Variants in ZFHX3 observed in about 807,000 individuals in gnomAD.
ZFHX3 encodes zinc finger homeobox 3, also known as zinc finger homeobox protein 3.
In ZFHX3, 42 loss-of-function variants were observed where a neutral mutation model predicts 279.1. The ratio of observed to expected loss-of-function variants is 0.15; its 90% CI spans 0.12 to 0.19. The LOEUF is 0.19. Ranked by LOEUF, ZFHX3 falls within the 10% of genes least tolerant of loss-of-function variation. The probability of loss-of-function intolerance (pLI) is 1.00; values close to 1 mark genes in which losing one functional copy is unlikely to be tolerated. For missense variants in ZFHX3, 4,981 were observed against 4,754.0 expected, an observed-to-expected ratio of 1.05 and a Z score of -1.40; for synonymous variants, 2,293 against 1,957.8, an observed-to-expected ratio of 1.17 and a Z score of -4.52.
At chr16:72,850,602 A>G (rs948595279) in intron 4 of ZFHX3, among the ~76,000 whole-genome samples, 1 of 152,114 alleles carries the variant, frequency 6.6e-6, no homozygotes, top group Non-Finnish European at 1.5e-5. Flanking sequence ...GAGCTGGACT[A>G]CTGATGACCA....
chr16:73,668,009 C>G (rs1473190898), intron 2 of ZFHX3, among the ~76,000 whole-genome samples: 1 of 152,186 alleles, frequency 6.6e-6, no homozygotes, highest in Admixed American at 6.5e-5. Flanking sequence ...TATGCAATGG[C>G]TTGTGTTCTA....
intron 1 of ZFHX3, among the ~76,000 whole-genome samples, chr16:73,843,704 G>A (rs1246034463): frequency 6.6e-6 from 1 of 152,170 alleles, no homozygotes; most frequent in Non-Finnish European, 1.5e-5. Context: ...TAATCAGTGG[G>A]TTTACTTAGA....
chr16:73,707,122 T>G (rs2053312471), intron 1 of ZFHX3, among the ~76,000 whole-genome samples: 1 of 152,224 alleles, frequency 6.6e-6, no homozygotes, highest in Non-Finnish European at 1.5e-5. Flanking sequence ...TTAATTCAAC[T>G]TATTTGAAGT....
intron 3 of ZFHX3, among the ~76,000 whole-genome samples, chr16:73,325,230 C>T (rs2015658238): frequency 6.6e-6 from 1 of 152,100 alleles, no homozygotes; most frequent in South Asian, 2.1e-4. Flanking sequence ...GGTCAGTTCC[C>T]TCAAAATAAT....
At chr16:73,552,949 C>T (rs2020223214) in intron 2 of ZFHX3, among the ~76,000 whole-genome samples, 2 of 152,160 alleles carry the variant, frequency 1.3e-5, no homozygotes, top group Non-Finnish European at 2.9e-5. Flanking sequence ...GATTTTCATT[C>T]ACATCCACAG....
At chr16:72,798,805 A>T in intron 8 of ZFHX3, 91 bp from the exon 9 acceptor site, 1 of 1,465,216 alleles carries the variant, frequency 6.8e-7, no homozygotes, top group Non-Finnish European at 8.9e-7. Flanking sequence ...GTCAGGCCTC[A>T]TGAACACAGA....
chr16:72,829,606 G>GT (rs1256787964), intron 5 of ZFHX3, 173 bp downstream of exon 5: 3 of 640,002 alleles, frequency 4.7e-6, no homozygotes, highest in African/African-American at 3.7e-5. Flanking sequence ...AAGAATAAAG[G>GT]TGACTGCTCA....
chr16:73,604,592 A>G (rs1465628183), intron 2 of ZFHX3, among the ~76,000 whole-genome samples: 4 of 152,050 alleles, frequency 2.6e-5, no homozygotes, highest in Non-Finnish European at 5.9e-5. Context: ...AAAAATACAA[A>G]AAGATTAGCT....
chr16:73,548,648 A>G (rs2020160229), intron 2 of ZFHX3, among the ~76,000 whole-genome samples: 1 of 152,208 alleles, frequency 6.6e-6, no homozygotes, highest in African/African-American at 2.4e-5. Flanking sequence ...AATGGCATAA[A>G]CTATTTTTGA....
intron 3 of ZFHX3, 74 bp downstream of exon 3, chr16:72,950,395 T>A (rs1960924604): frequency 6.4e-7 from 1 of 1,562,942 alleles, no homozygotes; most frequent in South Asian, 1.2e-5. Flanking sequence ...TCCTCCCCAG[T>A]GCTCCCTAAC....
intron 6 of ZFHX3, among the ~76,000 whole-genome samples, chr16:73,132,441 T>C (rs999235075): frequency 6.6e-6 from 1 of 152,080 alleles, no homozygotes; most frequent in African/African-American, 2.4e-5. Flanking sequence ...GGGAGCCTCG[T>C]GGATGAAGGT....
chr16:73,505,786 C>G (rs77656499), intron 2 of ZFHX3, among the ~76,000 whole-genome samples: 2 of 152,336 alleles, frequency 1.3e-5, no homozygotes, highest in East Asian at 3.9e-4. Context: ...AAAGTGCTGT[C>G]ACTGTTCCCA....
At chr16:73,482,193 C>A (rs1159562957) in intron 2 of ZFHX3, among the ~76,000 whole-genome samples, 2 of 152,132 alleles carry the variant, frequency 1.3e-5, no homozygotes, top group Admixed American at 6.5e-5. Context: ...GCCTTGGGAG[C>A]TGATACAGCA....
chr16:73,324,474 C>A (rs923726152), intron 3 of ZFHX3, among the ~76,000 whole-genome samples: 2 of 152,110 alleles, frequency 1.3e-5, no homozygotes, highest in East Asian at 1.9e-4. Flanking sequence ...GGAAGATCAT[C>A]AAGAGAGGAA....
At chr16:73,615,182 G>A (rs930112177) in intron 2 of ZFHX3, among the ~76,000 whole-genome samples, 2 of 151,270 alleles carry the variant, frequency 1.3e-5, no homozygotes, top group Admixed American at 6.6e-5. Context: ...GAGGGGCCCC[G>A]GGCAGGAGTT....
intron 4 of ZFHX3, among the ~76,000 whole-genome samples, chr16:72,846,684 C>T (rs756614725): frequency 7.2e-5 from 11 of 152,180 alleles, no homozygotes; most frequent in African/African-American, 1.2e-4. Flanking sequence ...CTGGTGGCCC[C>T]GGCAGGGATT....
At chr16:73,833,744 A>C (rs890579865) in intron 1 of ZFHX3, among the ~76,000 whole-genome samples, 1 of 151,802 alleles carries the variant, frequency 6.6e-6, no homozygotes, top group Non-Finnish European at 1.5e-5. Flanking sequence ...CCCAGAACTG[A>C]AAGTATAATT....
chr16:73,478,318 G>T (rs899640945), intron 2 of ZFHX3, among the ~76,000 whole-genome samples: 1 of 150,100 alleles, frequency 6.7e-6, no homozygotes, highest in Non-Finnish European at 1.5e-5. Flanking sequence ...CATATGACAT[G>T]CCTGAACAGG....
At chr16:73,029,503 G>T (rs1446087153) in intron 1 of ZFHX3, among the ~76,000 whole-genome samples, 1 of 152,208 alleles carries the variant, frequency 6.6e-6, no homozygotes, top group Non-Finnish European at 1.5e-5. Flanking sequence ...GATGCCACAG[G>T]TAGAAACACA....
Sources: allele counts gnomAD v4.1 joint callset (sites outside exome capture counted in the v4.1 genomes callset), GRCh38; gene constraint gnomAD v4.1.1; transcripts MANE v1.5; gene names NCBI Gene and HGNC (gene_info 2026-07-23, HGNC 2026-07-21).